GHR: variants seen among roughly 807,000 people sequenced by gnomAD.
GHR encodes GH receptor.
A neutral mutation model predicts 67.1 loss-of-function variants in GHR; 35 were observed. The observed-to-expected ratio is 0.52, with a 90% CI of 0.40 to 0.69. GHR has a LOEUF of 0.69. Among genes scored for constraint, GHR ranks in the 30% least tolerant of loss-of-function variants. The probability of loss-of-function intolerance (pLI) is 0.00; values close to 1 mark genes in which losing one functional copy is unlikely to be tolerated. For synonymous variants in GHR, 272 were observed against 269.1 expected (o/e 1.01, Z -0.10); for missense variants, 792 against 764.6 (o/e 1.04, Z -0.42).
intron 2 of GHR, among the ~76,000 whole-genome samples, chr5:42,575,703 G>T (rs1194185847): frequency 6.6e-6 from 1 of 151,672 alleles, no homozygotes; most frequent in Non-Finnish European, 1.5e-5. Context: ...CTGGGTGTGG[G>T]AGTGAAACCA....
intron 1 of GHR, among the ~76,000 whole-genome samples, chr5:42,521,083 A>C (rs1317196963): frequency 6.6e-6 from 1 of 152,160 alleles, no homozygotes; most frequent in East Asian, 1.9e-4. Context: ...TGCTCTTGAA[A>C]GTGTACGTGT....
intron 1 of GHR, among the ~76,000 whole-genome samples, chr5:42,438,080 T>C (rs1743410511): frequency 6.6e-6 from 1 of 152,232 alleles, no homozygotes; most frequent in Admixed American, 6.5e-5. Context: ...TATTCTCTAC[T>C]TGTGGACACT....
chr5:42,637,698 C>A (rs566459544), intron 3 of GHR, among the ~76,000 whole-genome samples: 9 of 152,204 alleles, frequency 5.9e-5, no homozygotes, highest in African/African-American at 2.2e-4. Flanking sequence ...TTTATCCAGT[C>A]CACCATCAAT....
chr5:42,528,022 A>G (rs1446714108), intron 1 of GHR, among the ~76,000 whole-genome samples: 1 of 152,170 alleles, frequency 6.6e-6, no homozygotes, highest in African/African-American at 2.4e-5. Context: ...TTTTCTAAAT[A>G]TTAGTCCTCA....
At chr5:42,671,664 A>G (rs1756308024) in intron 3 of GHR, among the ~76,000 whole-genome samples, 1 of 151,398 alleles carries the variant, frequency 6.6e-6, no homozygotes, top group Non-Finnish European at 1.5e-5. Context: ...AAAAACCTTA[A>G]GAAACTAGGC....
intron 3 of GHR, among the ~76,000 whole-genome samples, chr5:42,684,136 A>G (rs987802152): frequency 1.3e-5 from 2 of 152,166 alleles, no homozygotes; most frequent in Non-Finnish European, 2.9e-5. Flanking sequence ...AAATGCCAAA[A>G]TTATGTTTTT....
chr5:42,664,877 T>A (rs1580157568), intron 3 of GHR, among the ~76,000 whole-genome samples: 1 of 152,084 alleles, frequency 6.6e-6, no homozygotes, highest in Non-Finnish European at 1.5e-5. Flanking sequence ...GAATCTACAA[T>A]GAACTCAAAC....
At chr5:42,548,611 T>A (rs895676976) in intron 1 of GHR, 2 of 449,872 alleles carry the variant, frequency 4.4e-6, no homozygotes, top group African/African-American at 4.3e-5. Context: ...TTGCATTTTT[T>A]AGATATAAAT....
At chr5:42,670,872 A>ATATATAT (rs1454194507) in intron 3 of GHR, among the ~76,000 whole-genome samples, 5 of 91,300 alleles carry the variant, frequency 5.5e-5, no homozygotes, top group African/African-American at 2.0e-4. Context: ...AATTAAAAAA[A>ATATATAT]AAAAAAAAAT....
chr5:42,551,505 C>T (rs970622653), intron 1 of GHR, among the ~76,000 whole-genome samples: 2 of 152,164 alleles, frequency 1.3e-5, no homozygotes, highest in Non-Finnish European at 2.9e-5. Flanking sequence ...GAGACTAAGA[C>T]TCTAGGAGAA....
rs1384328186 is a variant in GHR at position 42,525,097 on chromosome 5, G to A, written c.-11-40767G>A. Among the ~76,000 whole-genome samples, 3 of 152,244 alleles carry A rather than the reference G, an allele frequency of 2.0e-5. No homozygotes were observed. The East Asian group carries it at 5.8e-4, about 29-fold the overall frequency. On this transcript the variant is annotated intron_variant, in intron 1 of 9. Coordinates refer to ENST00000230882, the MANE Select transcript of GHR (RefSeq NM_000163.5). The stretch of plus-strand genomic sequence containing the variant: ...TGCTGGGGCACTGCCTAGTGAAGCT[G>A]TGAGAAGAGGGCCACTGTCCTCCAG...
chr5:42,693,752 A>C (rs1299781455), intron 4 of GHR, among the ~76,000 whole-genome samples: 1 of 152,006 alleles, frequency 6.6e-6, no homozygotes. Flanking sequence ...CCAAACCTCC[A>C]CAGTCTGGCC....
chr5:42,561,323 A>G (rs573986389), intron 1 of GHR, among the ~76,000 whole-genome samples: 1 of 152,306 alleles, frequency 6.6e-6, no homozygotes, highest in Admixed American at 6.5e-5. Flanking sequence ...TTGAAGAACC[A>G]TTATTTTGAT....
intron 1 of GHR, chr5:42,468,620 G>A: frequency 9.5e-7 from 1 of 1,052,092 alleles, no homozygotes; most frequent in Admixed American, 2.0e-5. Flanking sequence ...AACGCTGGAG[G>A]GCAGCGGGTT....
intron 3 of GHR, among the ~76,000 whole-genome samples, chr5:42,657,103 G>A (rs1222387637): frequency 6.6e-6 from 1 of 152,054 alleles, no homozygotes; most frequent in East Asian, 1.9e-4. Flanking sequence ...CTGGGTAGGG[G>A]CTTAGCAGTT....
intron 6 of GHR, among the ~76,000 whole-genome samples, chr5:42,706,068 C>CT (rs1162227481): frequency 2.6e-5 from 4 of 152,078 alleles, no homozygotes; most frequent in African/African-American, 7.2e-5. Flanking sequence ...TATTTTTTGA[C>CT]TTTTTGATAA....
intron 3 of GHR, 31 bp downstream of exon 3, chr5:42,629,134 A>G (rs760051357): frequency 3.7e-6 from 4 of 1,091,926 alleles, no homozygotes; most frequent in East Asian, 4.8e-5. Context: ...TCTTCCTTCA[A>G]TGATATTTTC....
chr5:42,565,962 A>G lies in GHR; in HGVS notation c.70+18A>G, dbSNP rs1749906279. ...AAGTGAGGGTGAGTTCTGCTTTTCCATTTCCACCCTCAGTGTTTTGAAACA... is the reference window on the plus strand; with the variant it reads ...AAGTGAGGGTGAGTTCTGCTTTTCCGTTTCCACCCTCAGTGTTTTGAAACA... On this transcript the variant is annotated intron_variant, in intron 2 of 9. Coordinates refer to ENST00000230882, the MANE Select transcript of GHR (RefSeq NM_000163.5). 6.2e-7 allele frequency: 1 copy of G among 1,613,620 alleles called. No homozygotes were observed. The highest frequency in any genetic ancestry group is 1.3e-5 in the African/African-American group (1 of 74,852).
At chr5:42,513,764 A>G (rs569301806) in intron 1 of GHR, among the ~76,000 whole-genome samples, 91 of 152,214 alleles carry the variant, frequency 6.0e-4, no homozygotes, top group African/African-American at 2.1e-3. Context: ...TCTGGGCAAC[A>G]AAAGCAAAAC....
Sources: allele counts gnomAD v4.1 joint callset (sites outside exome capture counted in the v4.1 genomes callset), GRCh38; gene constraint gnomAD v4.1.1; transcripts MANE v1.5; gene names NCBI Gene and HGNC (gene_info 2026-07-23, HGNC 2026-07-21).